L3MBTL4: variants seen among roughly 807,000 people sequenced by gnomAD.
L3MBTL4 encodes L3MBTL histone methyl-lysine binding protein 4.
A neutral mutation model predicts 84.5 loss-of-function variants in L3MBTL4; 70 were observed. The ratio of observed to expected loss-of-function variants is 0.83; its 90% CI spans 0.68 to 1.01. L3MBTL4 has a LOEUF of 1.01. Among genes scored for constraint, L3MBTL4 ranks in the 50% least tolerant of loss-of-function variants. L3MBTL4 has a pLI of 0.00. For synonymous variants in L3MBTL4, 274 were observed against 259.8 expected, an observed-to-expected ratio of 1.05 and a Z score of -0.52; for missense variants, 715 against 754.8, an observed-to-expected ratio of 0.95 and a Z score of 0.62.
At chr18:6,332,266 A>T (rs2052076600) in intron 1 of L3MBTL4, among the ~76,000 whole-genome samples, 1 of 152,226 alleles carries the variant, frequency 6.6e-6, no homozygotes, top group Non-Finnish European at 1.5e-5. Context: ...CTGAAGTTTT[A>T]ACTATCCTCC....
chr18:6,083,099 G>C (rs2143338645), intron 15 of L3MBTL4, among the ~76,000 whole-genome samples: 1 of 152,268 alleles, frequency 6.6e-6, no homozygotes, highest in African/African-American at 2.4e-5. Flanking sequence ...GAGCCAAAAT[G>C]AAGTCCAATC....
Position 6,148,541 on chromosome 18 carries a change from T to A in L3MBTL4, c.1097-10245A>T, listed in dbSNP as rs1462317213. Among the ~76,000 whole-genome samples, 3 of 152,228 alleles carry A rather than the reference T, an allele frequency of 2.0e-5. No homozygotes were observed. In the East Asian group the frequency reaches 5.8e-4, roughly 29 times the overall value. On this transcript the variant is annotated intron_variant, in intron 13 of 18. Coordinates refer to ENST00000317931, the MANE Select transcript of L3MBTL4 (RefSeq NM_001330559.2). ...CCTGGGCTCAAATGATCCTTCTGCC[T>A]CAGCCTGCTGGGTAGCTGGGACCAC...
At chr18:6,032,787 T>C (rs769598860) in intron 16 of L3MBTL4, among the ~76,000 whole-genome samples, 13 of 152,206 alleles carry the variant, frequency 8.5e-5, no homozygotes, top group Non-Finnish European at 1.0e-4. Flanking sequence ...GTACCTCATA[T>C]GAGTGGAATC....
At chr18:6,226,949 T>C (rs2046807629) in intron 10 of L3MBTL4, among the ~76,000 whole-genome samples, 1 of 151,936 alleles carries the variant, frequency 6.6e-6, no homozygotes, top group Admixed American at 6.6e-5. Context: ...AATATACAAA[T>C]AGGTAAATTG....
At position 5,956,326 on chromosome 18, in the gene L3MBTL4, A is replaced by G; in HGVS notation, c.1739T>C (p.Ile580Thr). 6.2e-7 allele frequency: 1 copy of G among 1,614,152 alleles called. No homozygotes were observed. Among genetic ancestry groups the G allele is most frequent in the Non-Finnish European group, 8.5e-7 (1 of 1,180,038 alleles). ...TQTDIVKVMK[I>T]KLGPALKIYN... ...AATCTTCAGTGCTGGGCCCAGTTTG[A>G]TCTTCATCACTTTGACAATGTCCGT... Residue 580 changes from isoleucine to threonine, a missense_variant, in exon 19 of 19, where the codon ATC becomes ACC. Coordinates refer to ENST00000317931, the MANE Select transcript of L3MBTL4 (RefSeq NM_001330559.2).
At chr18:6,303,038 T>TGG (rs1289361552) in intron 3 of L3MBTL4, among the ~76,000 whole-genome samples, 8 of 152,116 alleles carry the variant, frequency 5.3e-5, no homozygotes, top group African/African-American at 1.9e-4. Context: ...GGAACGGAAT[T>TGG]TCCCAATTTT....
chr18:6,285,740 G>A (rs1310895340), intron 4 of L3MBTL4, among the ~76,000 whole-genome samples: 1 of 151,774 alleles, frequency 6.6e-6, no homozygotes, highest in African/African-American at 2.4e-5. Flanking sequence ...GACCCACCCT[G>A]TCTTTCACCA....
intron 1 of L3MBTL4, among the ~76,000 whole-genome samples, chr18:6,339,498 TAGAA>T (rs1289339123): frequency 4.6e-5 from 7 of 152,126 alleles, no homozygotes; most frequent in African/African-American, 9.7e-5. Flanking sequence ...ATCTCGTGCT[TAGAA>T]AGAAAGTATA....
At chr18:6,304,422 A>C (rs1049580434) in intron 3 of L3MBTL4, among the ~76,000 whole-genome samples, 1 of 152,264 alleles carries the variant, frequency 6.6e-6, no homozygotes, top group Non-Finnish European at 1.5e-5. Context: ...CATTCTGCTA[A>C]AATGTACTAT....
At chr18:6,376,668 G>T (rs1358248357) in intron 1 of L3MBTL4, among the ~76,000 whole-genome samples, 1 of 152,176 alleles carries the variant, frequency 6.6e-6, no homozygotes, top group African/African-American at 2.4e-5. Flanking sequence ...GACATGGGAG[G>T]TTGAGGCTGC....
intron 15 of L3MBTL4, among the ~76,000 whole-genome samples, chr18:6,086,550 C>G (rs1437277432): frequency 6.6e-6 from 1 of 152,158 alleles, no homozygotes; most frequent in East Asian, 1.9e-4. Context: ...TGGAGACTGG[C>G]AAGAGCTGGG....
intron 14 of L3MBTL4, among the ~76,000 whole-genome samples, chr18:6,124,023 T>C (rs1337665904): frequency 1.3e-5 from 2 of 152,130 alleles, no homozygotes; most frequent in African/African-American, 2.4e-5. Context: ...TAAATGGTGA[T>C]GAAGATGGTA....
intron 16 of L3MBTL4, among the ~76,000 whole-genome samples, chr18:6,047,396 AT>A (rs1169074554): frequency 1.3e-5 from 2 of 152,154 alleles, no homozygotes; most frequent in African/African-American, 4.8e-5. Context: ...TCCCTAACTG[AT>A]TCTACATAGC....
chr18:6,080,964 C>T lies in L3MBTL4; in HGVS notation c.1374-13G>A. The T allele has an allele frequency of 1.3e-6, 2 of 1,585,126 alleles. No homozygotes were observed. Among genetic ancestry groups the T allele is most frequent in the Non-Finnish European group, 1.7e-6 (2 of 1,161,750 alleles). On this transcript the variant is annotated splice_polypyrimidine_tract_variant and intron_variant, in intron 15 of 18. Transcript: ENST00000317931. Reference sequence around the variant, plus strand: ...CTGCTGTACAAGTCTGGGCAAAGAACAGAAATAAAATCTAGATTCATTATC... The same window carrying T: ...CTGCTGTACAAGTCTGGGCAAAGAATAGAAATAAAATCTAGATTCATTATC...
chr18:6,023,104 A>G (rs1385248743), intron 16 of L3MBTL4, among the ~76,000 whole-genome samples: 1 of 152,232 alleles, frequency 6.6e-6, no homozygotes, highest in Non-Finnish European at 1.5e-5. Context: ...AGCTCAATAC[A>G]GTGAGGTCGC....
intron 16 of L3MBTL4, among the ~76,000 whole-genome samples, chr18:6,044,753 A>G (rs2056543329): frequency 6.6e-6 from 1 of 152,236 alleles, no homozygotes; most frequent in African/African-American, 2.4e-5. Context: ...AGCCTAGCAC[A>G]GAAGAGGTCT....
chr18:6,327,206 C>A (rs2051771478), intron 1 of L3MBTL4, among the ~76,000 whole-genome samples: 1 of 152,148 alleles, frequency 6.6e-6, no homozygotes, highest in Non-Finnish European at 1.5e-5. Flanking sequence ...CTTGATGAAG[C>A]ACTTGGGAAT....
At chr18:6,152,383 C>G (rs1280491585) in intron 13 of L3MBTL4, among the ~76,000 whole-genome samples, 2 of 152,108 alleles carry the variant, frequency 1.3e-5, no homozygotes, top group African/African-American at 4.8e-5. Flanking sequence ...TCTCCACATC[C>G]TGGCCAATTC....
intron 1 of L3MBTL4, among the ~76,000 whole-genome samples, chr18:6,321,253 T>C (rs1031621140): frequency 6.6e-6 from 1 of 151,970 alleles, no homozygotes; most frequent in African/African-American, 2.4e-5. Context: ...CAAAAAAGCT[T>C]CTGTACAGCA....
Sources: allele counts gnomAD v4.1 joint callset (sites outside exome capture counted in the v4.1 genomes callset), GRCh38; gene constraint gnomAD v4.1.1; transcripts MANE v1.5; gene names NCBI Gene and HGNC (gene_info 2026-07-23, HGNC 2026-07-21).